The following PUM1 variants were observed in gnomAD, a reference collection of about 807,000 sequenced individuals.
PUM1 encodes pumilio homolog 1.
A neutral mutation model predicts 131.8 loss-of-function variants in PUM1; 13 were observed. That is an observed-to-expected ratio of 0.10 (90% confidence interval 0.06 to 0.16). The LOEUF is 0.16. Among genes scored for constraint, PUM1 ranks in the 10% least tolerant of loss-of-function variants. The pLI is 1.00. For missense variants in PUM1, 961 were observed against 1,512.4 expected, an observed-to-expected ratio of 0.64 and a Z score of 6.05; for synonymous variants, 509 against 556.5, an observed-to-expected ratio of 0.91 and a Z score of 1.20.
intron 9 of PUM1, among the ~76,000 whole-genome samples, 170 bp downstream of exon 9, chr1:30,979,892 G>A (rs981134205): frequency 6.6e-6 from 1 of 152,120 alleles, no homozygotes; most frequent in African/African-American, 2.4e-5. Flanking sequence ...AAGTCTGAGG[G>A]GCCTATGATA....
chr1:30,998,723 A>G (rs1228484309), intron 5 of PUM1, among the ~76,000 whole-genome samples: 2 of 152,214 alleles, frequency 1.3e-5, no homozygotes, highest in Admixed American at 6.5e-5. Flanking sequence ...GAAGTTTGAG[A>G]TTCCTATGGG....
At chr1:30,936,968 T>A in intron 20 of PUM1, 133 bp from the exon 21 acceptor site, 1 of 712,848 alleles carries the variant, frequency 1.4e-6, no homozygotes, top group Non-Finnish European at 2.2e-6. Context: ...GGAAGATGAG[T>A]CGCCAACTGT....
intron 2 of PUM1, among the ~76,000 whole-genome samples, chr1:31,049,335 G>C (rs758201826): frequency 6.6e-6 from 1 of 152,156 alleles, no homozygotes; most frequent in Non-Finnish European, 1.5e-5. Context: ...GGCCAACATG[G>C]TGAAACCCTG....
At position 30,936,773 on chromosome 1, in the gene PUM1, T is replaced by G; in HGVS notation, c.3305A>C (p.Glu1102Ala). The change falls in exon 21 of 22, where the codon GAG (glutamate) becomes GCG (alanine). Residue 1102 changes from glutamate (E) to alanine (A), a missense_variant. Physicochemically the swap from Glu to Ala is moderately radical, Grantham distance 107. Transcript: ENST00000426105. The stretch of plus-strand genomic sequence containing the variant: ...GGGACCGTCGTTCATGGTGCACACC[T>G]CATCGATGAGCACAGCGCGCTCCGT... ...SRTERAVLID[E>A]VCTMNDGPHS... 2 of 1,613,826 alleles carry G rather than the reference T, an allele frequency of 1.2e-6. No individual in the cohort carries two copies. The highest frequency in any genetic ancestry group is 2.2e-5 in the South Asian group (2 of 91,080).
rs945793299 is a variant in PUM1, at chr1:30,969,333, A to G, written c.1507-841T>C. On this transcript the variant is annotated intron_variant, in intron 10 of 21. Coordinates refer to ENST00000426105, the MANE Select transcript of PUM1 (RefSeq NM_001020658.2). ...CACACACACAAAAAAAAAAAAAAAA[A>G]AAAGAAAAAAAAAGAGTATTAATGG... Among the ~76,000 whole-genome samples, 171 of 79,842 alleles carry G rather than the reference A, an allele frequency of 2.1e-3. 1 individual carries two copies. Among genetic ancestry groups the G allele is most frequent in the South Asian group, 0.021 (59 of 2,830 alleles). 52.4% of individuals were successfully genotyped at this position (79,842 alleles called of 152,430 possible).
At position 30,967,320 on chromosome 1, in the gene PUM1, T is replaced by G. The variant is rs1359651976; in HGVS notation, c.1646-10A>C. ...GCCAACACCGGATAACCTAGGAATA[T>G]CAAGCCAACAAAGAAATGTATATGT... On this transcript the variant is annotated splice_polypyrimidine_tract_variant and intron_variant, in intron 11 of 21. Transcript: ENST00000426105. 1.2e-6 allele frequency: 2 copies of G among 1,609,686 alleles called. No individual in the cohort carries two copies. Among genetic ancestry groups the G allele is most frequent in the Non-Finnish European group, 8.5e-7 (1 of 1,176,308 alleles).
At position 31,059,298 on chromosome 1, in the gene PUM1, C is replaced by T; in HGVS notation, c.269G>A (p.Gly90Asp). The change falls in exon 2 of 22, where the codon GGT (glycine) becomes GAT (aspartate). Residue 90 changes from glycine to aspartate, a missense_variant. This residue lies in a region of PUM1 where 654 missense variants were observed against 923.9 expected (regional missense o/e 0.71). Transcript: ENST00000426105. ...MVDYFFQRQH[G>D]EQLGGGGSGG... ...ACTTCCTCCTCCCCCAAGCTGCTCA[C>T]CATGCTGCCTCTGAAAGAAGTAGTC... 1 of 1,614,202 alleles carries T rather than the reference C, an allele frequency of 6.2e-7. No homozygotes were observed. The highest frequency in any genetic ancestry group is 8.5e-7 in the Non-Finnish European group (1 of 1,180,038).
At chr1:31,038,980 A>ATTT (rs1371242054) in intron 2 of PUM1, among the ~76,000 whole-genome samples, 2 of 29,606 alleles carry the variant, frequency 6.8e-5, no homozygotes, top group East Asian at 1.0e-3. Flanking sequence ...ATATATATAT[A>ATTT]TATATTTTTT....
chr1:30,983,663 G>T (rs1641438206), intron 7 of PUM1, among the ~76,000 whole-genome samples: 1 of 151,976 alleles, frequency 6.6e-6, no homozygotes, highest in Non-Finnish European at 1.5e-5. Context: ...TAAATGCAGT[G>T]ACGTGATCAT....
chr1:30,933,429 C>A, intron 21 of PUM1, 87 bp from the exon 22 acceptor site: 1 of 1,024,696 alleles, frequency 9.8e-7, no homozygotes, highest in Non-Finnish European at 1.5e-6. Context: ...TGTCATGCAT[C>A]ACACACACAT....
chr1:31,004,779 C>T (rs61780464), intron 5 of PUM1, among the ~76,000 whole-genome samples: 1 of 152,156 alleles, frequency 6.6e-6, no homozygotes, highest in Non-Finnish European at 1.5e-5. Flanking sequence ...CTCTGATACC[C>T]AGCAAAAGAT....
At position 30,966,236 on chromosome 1, in the gene PUM1, C is replaced by T; in HGVS notation, c.1832G>A (p.Gly611Asp). 1 of 1,610,314 alleles carries T rather than the reference C, an allele frequency of 6.2e-7. No homozygotes were observed. Among genetic ancestry groups the T allele is most frequent in the Non-Finnish European group, 8.5e-7 (1 of 1,177,210 alleles). The change falls in exon 13 of 22, where the codon GGT (glycine) becomes GAT (aspartate). Residue 611 changes from glycine to aspartate, a missense_variant. Around this residue, in one of 4 missense-constraint regions of PUM1, gnomAD observed 654 missense variants for 923.9 expected, o/e 0.71. Coordinates refer to ENST00000426105, the MANE Select transcript of PUM1 (RefSeq NM_001020658.2). Reference protein sequence around the residue: ...AAASANGAAGGLAGTTNGPFR... With the variant: ...AAASANGAAGDLAGTTNGPFR... ...TGGTCCATTTGTTGTTCCAGCAAGA[C>T]CACCAGCTGCTCCATTTGCTGAAGC...
intron 7 of PUM1, among the ~76,000 whole-genome samples, chr1:30,985,770 T>C (rs1641533846): frequency 6.6e-6 from 1 of 152,128 alleles, no homozygotes; most frequent in Non-Finnish European, 1.5e-5. Flanking sequence ...GGATGAGTAC[T>C]TTCTGCATTA....
intron 13 of PUM1, 111 bp downstream of exon 13, chr1:30,965,871 C>T (rs1640600229): frequency 8.6e-7 from 1 of 1,167,966 alleles, no homozygotes; most frequent in African/African-American, 1.6e-5. Context: ...GGCTGGATTC[C>T]CACAAGGCTT....
chr1:31,065,699 G>C lies in PUM1; in HGVS notation c.-95C>G, dbSNP rs1163698106. 1 of 1,549,148 alleles carries C rather than the reference G, an allele frequency of 6.5e-7. No individual in the cohort carries two copies. Among genetic ancestry groups the C allele is most frequent in the Non-Finnish European group, 8.7e-7 (1 of 1,146,704 alleles). ...CTCGCTCCCCCTTACCTTTCACTCC[G>C]ACAACATGGCGGCCCACTGGGGACT... On this transcript the variant is annotated 5_prime_UTR_variant, in exon 1 of 22. Transcript: ENST00000426105.
intron 2 of PUM1, among the ~76,000 whole-genome samples, chr1:31,054,535 T>TAAAAA (rs555867693): frequency 1.2e-5 from 1 of 83,394 alleles, no homozygotes; most frequent in African/African-American, 3.8e-5. Flanking sequence ...AAAGGGCCAC[T>TAAAAA]AAAAAAAAAA....
chr1:30,940,702 T>C (rs984957434), intron 20 of PUM1, among the ~76,000 whole-genome samples: 1 of 152,342 alleles, frequency 6.6e-6, no homozygotes, highest in Admixed American at 6.5e-5. Context: ...AAGACACCTT[T>C]CACAACCTGG....
At chr1:31,031,140 T>C (rs887842585) in intron 2 of PUM1, among the ~76,000 whole-genome samples, 5 of 133,090 alleles carry the variant, frequency 3.8e-5, no homozygotes, top group Non-Finnish European at 6.1e-5. Flanking sequence ...AGACAGGATG[T>C]TAGCTAGGAA....
At chr1:30,994,336 TA>T (rs539790685) in intron 6 of PUM1, among the ~76,000 whole-genome samples, 15 of 151,512 alleles carry the variant, frequency 9.9e-5, no homozygotes, top group South Asian at 6.3e-4. Flanking sequence ...CACTGGAGAT[TA>T]AAAAAAAATC....
Sources: allele counts gnomAD v4.1 joint callset (sites outside exome capture counted in the v4.1 genomes callset), GRCh38; gene constraint gnomAD v4.1.1; regional missense constraint gnomAD v4.1.1; transcripts MANE v1.5; gene names NCBI Gene and HGNC (gene_info 2026-07-23, HGNC 2026-07-21).